The following RNF213 variants were observed in gnomAD, a reference collection of about 807,000 sequenced individuals.
RNF213 encodes E3 ubiquitin-protein ligase RNF213.
RNF213 carries 341 observed loss-of-function variants against 514.4 expected under a neutral mutation model. That is an observed-to-expected ratio of 0.66 (90% CI 0.61 to 0.73). The LOEUF (loss-of-function observed/expected upper bound fraction) is 0.73. Among genes scored for constraint, RNF213 ranks in the 30% least tolerant of loss-of-function variants. RNF213 has a pLI of 0.00. For synonymous variants in RNF213, 2,655 were observed against 2,658.2 expected (o/e 1.00, Z 0.04); for missense variants, 5,767 against 6,615.6 (o/e 0.87, Z 4.45).
chr17:80,312,957 G>A (rs777309587), intron 14 of RNF213, 55 bp from the exon 15 acceptor site: 45 of 1,607,740 alleles, frequency 2.8e-5, no homozygotes, highest in Admixed American at 1.5e-4. Flanking sequence ...GCATCTCGCC[G>A]GGAACCTGAG....
chr17:80,355,090 G>T, intron 36 of RNF213: 5 of 414,986 alleles, frequency 1.2e-5, no homozygotes, highest in Middle Eastern at 3.8e-4. Flanking sequence ...AAGGAGGGGT[G>T]CTCTGGGCCC....
chr17:80,313,278 C>T (rs777706984), intron 15 of RNF213, 111 bp downstream of exon 15: 104 of 1,374,912 alleles, frequency 7.6e-5, no homozygotes, highest in Non-Finnish European at 9.9e-5. Context: ...TGGCCTTCAC[C>T]TGAGCCTCAG....
At position 80,375,762 on chromosome 17, in the gene RNF213, C is replaced by G; in HGVS notation, c.13077C>G (p.Ala4359=). The G allele has an allele frequency of 1.2e-6, 2 of 1,612,204 alleles. No homozygotes were observed. The highest frequency in any genetic ancestry group is 8.5e-7 in the Non-Finnish European group (1 of 1,178,284). Residue 4359 remains alanine, a splice_region_variant and synonymous_variant, in exon 51 of 68, where the codon GCC becomes GCG. Coordinates refer to ENST00000582970, the MANE Select transcript of RNF213 (RefSeq NM_001256071.3). ...ACTTGATACCCTTGATTTTGCAGGCCTGCAAGACCCCCCAAAGCCAGCAGT... is the reference window on the plus strand; with the variant it reads ...ACTTGATACCCTTGATTTTGCAGGCGTGCAAGACCCCCCAAAGCCAGCAGT... ...KPLGIKTALK[A]CKTPQSQQSA... is the part of the protein sequence containing the mutation.
intron 2 of RNF213, among the ~76,000 whole-genome samples, chr17:80,267,114 G>A (rs1368597220): frequency 6.6e-6 from 1 of 151,988 alleles, no homozygotes; most frequent in African/African-American, 2.4e-5. Flanking sequence ...CTTCTTGGGA[G>A]GCTGAGGCAC....
At chr17:80,342,571 C>T (rs1181298828) in intron 26 of RNF213, among the ~76,000 whole-genome samples, 1 of 148,026 alleles carries the variant, frequency 6.8e-6, no homozygotes, top group Non-Finnish European at 1.5e-5. Context: ...TATATATATA[C>T]ACACACATGC....
At chr17:80,280,890 G>T in intron 3 of RNF213, among the ~76,000 whole-genome samples, 1 of 152,120 alleles carries the variant, frequency 6.6e-6, no homozygotes, top group East Asian at 1.9e-4. Context: ...TTCCCACGGA[G>T]TAACAGAGGC....
intron 61 of RNF213, 25 bp downstream of exon 61, chr17:80,385,646 C>T: frequency 6.3e-7 from 1 of 1,599,472 alleles, no homozygotes; most frequent in Non-Finnish European, 8.6e-7. Context: ...CCCTGTACCA[C>T]TAAGCGTTCC....
intron 20 of RNF213, 74 bp downstream of exon 20, chr17:80,328,551 C>A: frequency 7.1e-7 from 1 of 1,412,844 alleles, no homozygotes; most frequent in Non-Finnish European, 9.4e-7. Context: ...GAATGGATCA[C>A]AGTAGCAGAT....
At position 80,348,244 on chromosome 17, in the gene RNF213, C is replaced by A. The variant is rs2078382787; in HGVS notation, c.9909C>A (p.His3303Gln). The A allele has an allele frequency of 8.1e-6, 13 of 1,614,014 alleles. No homozygotes were observed. In the East Asian group the frequency reaches 2.9e-4, roughly 36 times the overall value. The stretch of plus-strand genomic sequence containing the variant: ...CCTTTGCAGATTTCCTTCAGGCACA[C>A]CTGCACACGGCAGACCTGGAGCGCC... The part of the protein sequence containing the change: ...HNSFADFLQA[H>Q]LHTADLERHA... The change falls in exon 29 of 68, where the codon CAC (histidine) becomes CAA (glutamine). Residue 3303 changes from histidine to glutamine, a missense_variant. Transcript: ENST00000582970.
In RNF213 at chr17:80,393,428, TA is replaced by T; in HGVS notation, c.15555del (p.Leu5186CysfsTer15). On this transcript the variant is annotated frameshift_variant, in exon 68 of 68. Transcript: ENST00000582970. LOFTEE classifies it low-confidence loss of function (END_TRUNC). ...PEMASQFPEEILLASCVSVWK... is the reference protein window; with the variant it reads ...PEMASQFPEEXLLASCVSVWK... Reference sequence around the variant, plus strand: ...ATGGCATCTCAGTTCCCAGAAGAGATACTGCTCGCCAGCTGTGTCTCAGTGT... The same window carrying T: ...ATGGCATCTCAGTTCCCAGAAGAGATCTGCTCGCCAGCTGTGTCTCAGTGT... 1 of 1,614,144 alleles carries T rather than the reference TA, an allele frequency of 6.2e-7. No homozygotes were observed. The highest frequency in any genetic ancestry group is 8.5e-7 in the Non-Finnish European group (1 of 1,179,938).
chr17:80,378,446 T>G (rs907169763), intron 54 of RNF213, among the ~76,000 whole-genome samples: 1 of 152,150 alleles, frequency 6.6e-6, no homozygotes, highest in Non-Finnish European at 1.5e-5. Flanking sequence ...CACGTGGTAG[T>G]TAGTTATTAG....
chr17:80,261,235 G>C (rs1441432246), intron 1 of RNF213, among the ~76,000 whole-genome samples: 1 of 152,180 alleles, frequency 6.6e-6, no homozygotes, highest in Admixed American at 6.5e-5. Context: ...GCCGGGGCAC[G>C]GGGGGTGTAG....
intron 3 of RNF213, among the ~76,000 whole-genome samples, chr17:80,286,711 C>T (rs552227366): frequency 2.5e-4 from 38 of 152,220 alleles, no homozygotes; most frequent in African/African-American, 8.9e-4. Flanking sequence ...GGCACAGGTT[C>T]ACACCTGCTG....
chr17:80,271,014 C>T (rs2043802587), intron 2 of RNF213, among the ~76,000 whole-genome samples: 1 of 152,114 alleles, frequency 6.6e-6, no homozygotes, highest in Non-Finnish European at 1.5e-5. Context: ...ATACTTCTTG[C>T]TGGTTGGCCC....
At position 80,377,913 on chromosome 17, in the gene RNF213, C is replaced by T; in HGVS notation, c.13545+117C>T. 8.5e-7 allele frequency: 1 copy of T among 1,171,526 alleles called. No individual in the cohort carries two copies. The highest frequency in any genetic ancestry group is 1.3e-6 in the Non-Finnish European group (1 of 779,050). 72.6% of individuals were successfully genotyped at this position (1,171,526 alleles called of 1,614,324 possible). A position where few individuals can be genotyped will look rare whatever the true frequency, so the allele number is the denominator to read the frequency against. ...GGCCTTCCAGGAGAGCACAGGCTCA[C>T]CGAGGACTGCCCAGGGTGCTCTGAG... On this transcript the variant is annotated intron_variant, in intron 54 of 67. Transcript: ENST00000582970. This position sits in a 1 kb window ranked among gnomAD's most constrained non-coding sequence, Gnocchi z 4.1.
At chr17:80,289,347 T>G (rs1451435223) in intron 5 of RNF213, among the ~76,000 whole-genome samples, 1 of 152,154 alleles carries the variant, frequency 6.6e-6, no homozygotes, top group Non-Finnish European at 1.5e-5. Context: ...CCCAGCACTT[T>G]GGGAAGCCCA....
At chr17:80,336,516 C>G in intron 23 of RNF213, 138 bp downstream of exon 23, 2 of 796,434 alleles carry the variant, frequency 2.5e-6, no homozygotes, top group Non-Finnish European at 4.2e-6. Flanking sequence ...ATTTAAAAAG[C>G]TTTTCTTCAT....
chr17:80,352,817 G>A lies in RNF213; in HGVS notation c.10304-123G>A. On this transcript the variant is annotated intron_variant, in intron 32 of 67. Transcript: ENST00000582970. ...GCCCATTCCAGGGTTTCGGCTTCAG[G>A]GTGCCAGTCATTCATTGCGCAGCAA... The A allele has an allele frequency of 4.1e-6, 6 of 1,476,070 alleles. No homozygotes were observed. In the South Asian group the frequency reaches 6.8e-5, roughly 17 times the overall value. The allele number at this position is 1,476,070 out of a possible 1,614,324, so 91.4% of individuals were successfully genotyped here.
intron 22 of RNF213, 134 bp downstream of exon 22, chr17:80,334,404 G>T: frequency 1.1e-6 from 1 of 940,440 alleles, no homozygotes. Flanking sequence ...GACGTTGCCT[G>T]CATGCTTTAG....
Sources: gnomAD v4.1 joint callset for allele counts (sites outside exome capture counted in the v4.1 genomes callset) on GRCh38, gnomAD v4.1.1 for gene constraint, Gnocchi (gnomAD v3.1) non-coding constraint, MANE v1.5 for transcripts, NCBI Gene and HGNC (gene_info 2026-07-23, HGNC 2026-07-21) for gene names.